RAB3IL1: variants seen among roughly 807,000 people sequenced by gnomAD.
The protein encoded by RAB3IL1 is RAB3A interacting protein like 1, also known as guanine nucleotide exchange factor for Rab-3A.
In RAB3IL1, 37 loss-of-function variants were observed where a neutral mutation model predicts 49.2. The observed-to-expected ratio is 0.75, with a 90% confidence interval of 0.58 to 0.99. The LOEUF is 0.99. Ranked by LOEUF, RAB3IL1 falls within the 50% of genes least tolerant of loss-of-function variation. The pLI, the probability that RAB3IL1 is intolerant of heterozygous loss-of-function variation, is 0.00. For missense variants in RAB3IL1, 484 were observed against 513.0 expected (o/e 0.94, Z 0.55); for synonymous variants, 193 against 213.9 (o/e 0.90, Z 0.85).
chr11:61,914,781 C>T (rs918559563), intron 1 of RAB3IL1, among the ~76,000 whole-genome samples: 8 of 152,144 alleles, frequency 5.3e-5, no homozygotes, highest in African/African-American at 1.9e-4. Context: ...CAGTTCATTT[C>T]ACAGGTGAGG....
In RAB3IL1 at chr11:61,898,135, G is replaced by A; in HGVS notation, c.*143C>T. 1.3e-6 allele frequency: 1 copy of A among 753,334 alleles called. No homozygotes were observed. Among genetic ancestry groups the A allele is most frequent in the Non-Finnish European group, 2.3e-6 (1 of 441,954 alleles). The allele number at this position is 753,334 out of a possible 1,614,324, so 46.7% of individuals were successfully genotyped here. ...AGGATGGACGTGTGGTGCTGGCTCA[G>A]TGCTGCCTCCATGGCCTGTCTGTCC... On this transcript the variant is annotated 3_prime_UTR_variant, in exon 10 of 10. Transcript: ENST00000394836. The surrounding 1 kb of genome is among the most constrained non-coding windows in gnomAD (Gnocchi z 5.1).
At chr11:61,930,780 A>G in the RAB3IL1 span, among the ~76,000 whole-genome samples, 1 of 152,214 alleles carries the variant, frequency 6.6e-6, no homozygotes, top group South Asian at 2.1e-4. Flanking sequence ...CTGTCTTAAA[A>G]AGACCAAATT....
chr11:61,905,768 G>A (rs540432924), intron 5 of RAB3IL1, among the ~76,000 whole-genome samples: 4 of 152,144 alleles, frequency 2.6e-5, no homozygotes, highest in Non-Finnish European at 5.9e-5. Flanking sequence ...GCCCTCTGAG[G>A]CACTACCTGG....
intron 2 of RAB3IL1, 72 bp from the exon 3 acceptor site, chr11:61,907,732 C>T (rs755354512): frequency 2.1e-4 from 291 of 1,364,712 alleles, no homozygotes; most frequent in Non-Finnish European, 2.8e-4. Context: ...CCAGGCCCAC[C>T]GGACCAGGTT....
intron 8 of RAB3IL1, among the ~76,000 whole-genome samples, chr11:61,900,598 G>A (rs1938861194): frequency 6.6e-6 from 1 of 152,150 alleles, no homozygotes; most frequent in African/African-American, 2.4e-5. Context: ...ACAGGAGCAG[G>A]GACAGTGGAT....
intron 1 of RAB3IL1, among the ~76,000 whole-genome samples, chr11:61,912,733 G>A (rs1183377010): frequency 6.6e-6 from 1 of 152,146 alleles, no homozygotes; most frequent in Non-Finnish European, 1.5e-5. Context: ...TGGCGGTTTT[G>A]GAGAAGTGAG....
chr11:61,900,235 C>G (rs1404240378), intron 8 of RAB3IL1, among the ~76,000 whole-genome samples: 1 of 152,240 alleles, frequency 6.6e-6, no homozygotes, highest in African/African-American at 2.4e-5. Flanking sequence ...TGGACTCCCC[C>G]GTCCCTTCCC....
chr11:61,916,454 C>T (rs553630008), intron 1 of RAB3IL1, among the ~76,000 whole-genome samples: 109 of 152,238 alleles, frequency 7.2e-4, no homozygotes, highest in Non-Finnish European at 1.2e-3. Flanking sequence ...AGCATCGCAG[C>T]TCAACCTTTG....
At chr11:61,925,817 TA>T in the RAB3IL1 span, among the ~76,000 whole-genome samples, 1 of 152,158 alleles carries the variant, frequency 6.6e-6, no homozygotes, top group Non-Finnish European at 1.5e-5. Flanking sequence ...AGCCTCAGGT[TA>T]AATCCTGAAA....
intron 7 of RAB3IL1, 58 bp downstream of exon 7, chr11:61,904,488 A>G: frequency 6.7e-7 from 1 of 1,499,300 alleles, no homozygotes; most frequent in Non-Finnish European, 9.1e-7. Flanking sequence ...CACAGTAAAC[A>G]CACGGCTTGG....
chr11:61,922,034 C>T (rs2524291), upstream of RAB3IL1, among the ~76,000 whole-genome samples: 71,268 of 150,892 alleles, frequency 0.47, 17,218 homozygotes, highest in Middle Eastern at 0.62. Flanking sequence ...TAAAAAAAAA[C>T]CCGTCTCTAC....
At chr11:61,925,776 G>T in the RAB3IL1 span, among the ~76,000 whole-genome samples, 1 of 152,070 alleles carries the variant, frequency 6.6e-6, no homozygotes, top group Non-Finnish European at 1.5e-5. Context: ...AGGCTCATTT[G>T]GGGGACAGGA....
the RAB3IL1 span, among the ~76,000 whole-genome samples, chr11:61,944,207 TTCCCTTCCTTCCC>T: frequency 5.4e-5 from 5 of 93,054 alleles, no homozygotes; most frequent in Non-Finnish European, 9.8e-5. Context: ...CTTCCTTTCC[TTCCCTTCCTTCCC>T]TCCTTCCTTC....
In RAB3IL1 at chr11:61,906,530, GTGC is replaced by G. The variant is rs1314991095; in HGVS notation, c.590_592del (p.Ser197del). On this transcript the variant is annotated inframe_deletion, in exon 5 of 10. Coordinates refer to ENST00000394836, the MANE Select transcript of RAB3IL1 (RefSeq NM_013401.4). This position sits in a 1 kb window ranked among gnomAD's most constrained non-coding sequence, Gnocchi z 4.6. ...AGCGGGACACACGGCGGGGCAGAGG[GTGC>G]TGCTGGTGCTCTTGTGGCGAGAGTG... 2.8e-5 allele frequency: 44 copies of G among 1,563,130 alleles called. No homozygotes were observed. Among genetic ancestry groups the G allele is most frequent in the Non-Finnish European group, 3.6e-5 (42 of 1,154,888 alleles).
chr11:61,898,108 C>A lies in RAB3IL1; in HGVS notation c.*170G>T. ...GCCGTGAAGTCCAGGCCCGTCTGTC[C>A]CAGGATGGACGTGTGGTGCTGGCTC... On this transcript the variant is annotated 3_prime_UTR_variant, in exon 10 of 10. Transcript: ENST00000394836. The surrounding 1 kb of genome is among the most constrained non-coding windows in gnomAD (Gnocchi z 5.1). 1 of 667,350 alleles carries A rather than the reference C, an allele frequency of 1.5e-6. No individual in the cohort carries two copies. Among genetic ancestry groups the A allele is most frequent in the Admixed American group, 2.4e-5 (1 of 41,780 alleles). The allele number at this position is 667,350 out of a possible 1,614,324, so 41.3% of individuals were successfully genotyped here.
chr11:61,920,780 G>A (rs1319791746), upstream of RAB3IL1, among the ~76,000 whole-genome samples: 1 of 152,024 alleles, frequency 6.6e-6, no homozygotes, highest in Non-Finnish European at 1.5e-5. Flanking sequence ...AAAATTAGCC[G>A]GGCATGGTGG....
Position 61,908,121 on chromosome 11 carries a change from C to G in RAB3IL1, c.197G>C (p.Ser66Thr), listed in dbSNP as rs1348899397. The part of the protein sequence containing the change: ...AAQLDVLRLR[S>T]SSMEIREKGS... ...CTTCTCTCGGATCTCCATGGAAGAG[C>G]TGCGCAGGCGCAACACGTCCAGCTG... The change falls in exon 2 of 10, where the codon AGC becomes ACC. Residue 66 changes from serine to threonine, a missense_variant. Transcript: ENST00000394836. 2 of 1,607,388 alleles carry G rather than the reference C, an allele frequency of 1.2e-6. No individual in the cohort carries two copies. Among genetic ancestry groups the G allele is most frequent in the African/African-American group, 2.7e-5 (2 of 74,736 alleles).
the RAB3IL1 span, among the ~76,000 whole-genome samples, chr11:61,944,883 T>C: frequency 6.6e-6 from 1 of 152,176 alleles, no homozygotes; most frequent in Non-Finnish European, 1.5e-5. Flanking sequence ...GTATTTTTAG[T>C]AGAGACGGGA....
At chr11:61,943,108 C>T in the RAB3IL1 span, among the ~76,000 whole-genome samples, 22 of 152,126 alleles carry the variant, frequency 1.4e-4, no homozygotes, top group Non-Finnish European at 2.5e-4. Context: ...GAAATTTCTA[C>T]GTAGCTACAT....
Sources: allele counts gnomAD v4.1 joint callset (sites outside exome capture counted in the v4.1 genomes callset), GRCh38; gene constraint gnomAD v4.1.1; non-coding constraint Gnocchi (gnomAD v3.1); transcripts MANE v1.5; gene names NCBI Gene and HGNC (gene_info 2026-07-23, HGNC 2026-07-21).